NF1: variants seen among roughly 807,000 people sequenced by gnomAD.
NF1 encodes the protein neurofibromin.
NF1 carries 122 observed loss-of-function variants against 325.7 expected under a neutral mutation model. The observed-to-expected ratio is 0.37, with a 90% CI of 0.32 to 0.44. NF1 has a LOEUF of 0.44. Ranked by LOEUF, NF1 falls within the 20% of genes least tolerant of loss-of-function variation. NF1 has a pLI of 1.00. For missense variants in NF1, 2,140 were observed against 3,415.4 expected, an observed-to-expected ratio of 0.63 and a Z score of 9.31; for synonymous variants, 1,091 against 1,186.0, an observed-to-expected ratio of 0.92 and a Z score of 1.65.
chr17:31,369,504 C>A (rs1451366606), intron 57 of NF1, among the ~76,000 whole-genome samples: 1 of 152,196 alleles, frequency 6.6e-6, no homozygotes, highest in Non-Finnish European at 1.5e-5. Flanking sequence ...TTTAAGCTGG[C>A]AAATCAGGAC....
intron 8 of NF1, among the ~76,000 whole-genome samples, chr17:31,192,570 G>A (rs1483558424): frequency 6.6e-6 from 1 of 152,142 alleles, no homozygotes. Context: ...AGAGAAGGTT[G>A]TAAAATGTTT....
intron 1 of NF1, among the ~76,000 whole-genome samples, chr17:31,095,665 A>G (rs1367068192): frequency 6.6e-6 from 1 of 152,096 alleles, no homozygotes; most frequent in Admixed American, 6.6e-5. Flanking sequence ...CCGCTTGGAA[A>G]TGGGGATGAG....
chr17:31,343,615 G>A (rs889720112), intron 48 of NF1, among the ~76,000 whole-genome samples: 2 of 152,086 alleles, frequency 1.3e-5, no homozygotes, highest in Non-Finnish European at 2.9e-5. Context: ...TGTGTTTTAA[G>A]AGAGCTTCAT....
intron 36 of NF1, among the ~76,000 whole-genome samples, chr17:31,312,518 C>CAAAA (rs951056099): frequency 1.7e-5 from 1 of 60,134 alleles, no homozygotes; most frequent in African/African-American, 6.3e-5. Flanking sequence ...GACTCCATCT[C>CAAAA]AAAAAAAAAA....
rs1285039481 is a variant in NF1 at position 31,296,373 on chromosome 17, C to G, written c.4836-29447C>G. On this transcript the variant is annotated intron_variant, in intron 36 of 57. Transcript: ENST00000358273. ...ACAGATACACCCTTCTTTTAATATG[C>G]AAATACAGTTTAGGCATCTGCATGG... is the stretch of plus-strand genomic sequence containing the variant. The G allele has an allele frequency of 1.9e-6, 3 of 1,612,042 alleles. No individual in the cohort carries two copies. In the African/African-American group the frequency reaches 4.0e-5, roughly 22 times the overall value.
At chr17:31,351,834 C>G (rs972990825) in intron 50 of NF1, among the ~76,000 whole-genome samples, 1 of 151,646 alleles carries the variant, frequency 6.6e-6, no homozygotes, top group Non-Finnish European at 1.5e-5. Context: ...TGTAAACTTT[C>G]TTAAAACATT....
intron 36 of NF1, chr17:31,294,592 TG>T (rs1399461567): frequency 5.3e-6 from 1 of 189,868 alleles, no homozygotes; most frequent in Non-Finnish European, 1.1e-5. Flanking sequence ...ACAAAAATGG[TG>T]AGGTCATTTT....
chr17:31,156,868 C>CCATT (rs2143633115), intron 2 of NF1, among the ~76,000 whole-genome samples: 2 of 152,280 alleles, frequency 1.3e-5, no homozygotes, highest in East Asian at 3.9e-4. Context: ...TTTAACATCT[C>CCATT]CATTCTAAGC....
At chr17:31,096,732 A>G (rs1911759268) in intron 1 of NF1, among the ~76,000 whole-genome samples, 1 of 152,168 alleles carries the variant, frequency 6.6e-6, no homozygotes, top group African/African-American at 2.4e-5. Flanking sequence ...ATCTTGGAAT[A>G]GACAGAGGAA....
intron 1 of NF1, among the ~76,000 whole-genome samples, chr17:31,117,549 T>G (rs923486490): frequency 1.3e-5 from 2 of 150,988 alleles, no homozygotes; most frequent in Non-Finnish European, 3.0e-5. Flanking sequence ...GGCGGGCTCC[T>G]GTAGTCCTAG....
At chr17:31,274,278 G>A (rs148820942) in intron 36 of NF1, among the ~76,000 whole-genome samples, 169 of 152,094 alleles carry the variant, frequency 1.1e-3, no homozygotes, top group African/African-American at 3.9e-3. Flanking sequence ...TTTGTCTTTT[G>A]GTCAGCCGTT....
intron 1 of NF1, among the ~76,000 whole-genome samples, chr17:31,120,811 G>C (rs1170465067): frequency 1.3e-5 from 2 of 151,576 alleles, no homozygotes. Flanking sequence ...TCAGCATCTG[G>C]ACTGCAGTTG....
rs577741009 is a variant in NF1 at position 31,296,352 on chromosome 17, A to G, written c.4836-29468A>G. The G allele has an allele frequency of 4.3e-6, 7 of 1,613,768 alleles. No homozygotes were observed. The African/African-American group carries it at 8.0e-5, about 18-fold the overall frequency. The stretch of plus-strand genomic sequence containing the variant: ...TCCATCAAAGCCTAGAAACAAACAG[A>G]TACACCCTTCTTTTAATATGCAAAT... On this transcript the variant is annotated intron_variant, in intron 36 of 57. Transcript: ENST00000358273.
chr17:31,325,711 A>T, intron 36 of NF1, 109 bp from the exon 37 acceptor site: 2 of 869,080 alleles, frequency 2.3e-6, no homozygotes, highest in Non-Finnish European at 3.6e-6. Context: ...GAATTGTTTT[A>T]TATTATTCTC....
At chr17:31,331,718 G>A (rs541679128) in intron 39 of NF1, 16 of 151,490 alleles carry the variant, frequency 1.1e-4, no homozygotes, top group Non-Finnish European at 2.2e-4. Context: ...AGTATGTTCT[G>A]CCTGTATTTA....
intron 1 of NF1, among the ~76,000 whole-genome samples, chr17:31,111,253 C>T (rs1913391222): frequency 6.6e-6 from 1 of 151,584 alleles, no homozygotes; most frequent in South Asian, 2.1e-4. Context: ...AACAGAGCCT[C>T]TGAGACATGT....
chr17:31,209,353 A>G (rs1176877717), intron 12 of NF1, among the ~76,000 whole-genome samples: 1 of 152,220 alleles, frequency 6.6e-6, no homozygotes, highest in Non-Finnish European at 1.5e-5. Context: ...AAGTAAAATA[A>G]TATCTGCTTC....
chr17:31,292,836 G>A (rs1181735095), intron 36 of NF1, among the ~76,000 whole-genome samples: 1 of 152,108 alleles, frequency 6.6e-6, no homozygotes, highest in African/African-American at 2.4e-5. Context: ...TTCTAAGACA[G>A]CATTGAGTTT....
At chr17:31,143,607 C>T (rs1198036773) in intron 1 of NF1, among the ~76,000 whole-genome samples, 1 of 152,046 alleles carries the variant, frequency 6.6e-6, no homozygotes, top group Non-Finnish European at 1.5e-5. Context: ...ATGAATTAGT[C>T]TTTTCTTTTT....
Sources: gnomAD v4.1 joint callset for allele counts (sites outside exome capture counted in the v4.1 genomes callset) on GRCh38, gnomAD v4.1.1 for gene constraint, MANE v1.5 for transcripts, NCBI Gene and HGNC (gene_info 2026-07-23, HGNC 2026-07-21) for gene names.